Variants in SYNRG observed in about 807,000 individuals in gnomAD.
SYNRG encodes the protein synergin gamma, also known as AP1 gamma subunit binding protein 1.
SYNRG carries 37 observed loss-of-function variants against 130.9 expected under a neutral mutation model. The observed-to-expected ratio is 0.28, with a 90% CI of 0.22 to 0.37. The LOEUF (loss-of-function observed/expected upper bound fraction) is 0.37, where lower values mean the gene tolerates loss of function less well. SYNRG is among the 10% of genes least tolerant of loss of function. The pLI, the probability that SYNRG is intolerant of heterozygous loss-of-function variation, is 1.00. For synonymous variants in SYNRG, 539 were observed against 568.1 expected, an observed-to-expected ratio of 0.95 and a Z score of 0.73; for missense variants, 1,338 against 1,588.9, an observed-to-expected ratio of 0.84 and a Z score of 2.68.
chr17:37,564,583 A>G (rs2059781185), intron 11 of SYNRG, among the ~76,000 whole-genome samples: 1 of 152,204 alleles, frequency 6.6e-6, no homozygotes, highest in South Asian at 2.1e-4. Flanking sequence ...CAGACCAACA[A>G]TGTTCTCCAT....
rs2058887529 is a variant in SYNRG, at chr17:37,553,774, C to A, written c.1949G>T (p.Gly650Val). The A allele has an allele frequency of 6.2e-7, 1 of 1,612,320 alleles. No homozygotes were observed. Among genetic ancestry groups the A allele is most frequent in the East Asian group, 2.2e-5 (1 of 44,884 alleles). The change falls in exon 14 of 22, where the codon GGT (glycine) becomes GTT (valine). Residue 650 changes from glycine to valine, a missense_variant. By Grantham distance (109) the Gly-to-Val change is moderately radical (BLOSUM62 -3). Around this residue, in one of 3 missense-constraint regions of SYNRG, gnomAD observed 1,146 missense variants for 1,342.3 expected, o/e 0.85. Transcript: ENST00000612223. The stretch of plus-strand genomic sequence containing the variant: ...CAATGCTGTCATAGTAGCAGCAGAA[C>A]CTGTTGACTGTGGTGTAGAAACTGA... ...SKSVSTPQST[G>V]SAATMTALAA...
chr17:37,584,561 C>T, intron 6 of SYNRG, 87 bp downstream of exon 6: 1 of 1,044,994 alleles, frequency 9.6e-7, no homozygotes, highest in Non-Finnish European at 1.5e-6. Context: ...TGACTTTTCA[C>T]ACACACATAT....
chr17:37,602,443 C>T (rs1311599701), intron 1 of SYNRG, among the ~76,000 whole-genome samples: 1 of 151,902 alleles, frequency 6.6e-6, no homozygotes, highest in Admixed American at 6.5e-5. Flanking sequence ...GCAGTGAAAA[C>T]TGAGTAGGAA....
chr17:37,518,705 T>A lies in SYNRG; in HGVS notation c.*235A>T, dbSNP rs552977329. On this transcript the variant is annotated 3_prime_UTR_variant, in exon 22 of 22. Coordinates refer to ENST00000612223, the MANE Select transcript of SYNRG (RefSeq NM_007247.6). ...AAGCCGTGGTCCGTATTTCAGAAAATCTTAAGTAGAGATAAGTGAGCAAGC... is the reference window on the plus strand; with the variant it reads ...AAGCCGTGGTCCGTATTTCAGAAAAACTTAAGTAGAGATAAGTGAGCAAGC... 86 of 445,330 alleles carry A rather than the reference T, an allele frequency of 1.9e-4. No individual in the cohort carries two copies. Among genetic ancestry groups the A allele is most frequent in the African/African-American group, 1.6e-3 (81 of 50,738 alleles). The allele number at this position is 445,330 out of a possible 1,614,324, so 27.6% of individuals were successfully genotyped here.
intron 11 of SYNRG, among the ~76,000 whole-genome samples, chr17:37,561,819 C>G: frequency 6.6e-6 from 1 of 151,122 alleles, no homozygotes; most frequent in Non-Finnish European, 1.5e-5. Context: ...TCATTTTTTT[C>G]TTGATTAAAT....
chr17:37,567,637 A>T (rs1184419677), intron 11 of SYNRG: 2 of 152,220 alleles, frequency 1.3e-5, no homozygotes, highest in African/African-American at 4.8e-5. Flanking sequence ...ATATATTTTT[A>T]AAATCAGGAG....
At chr17:37,539,323 GC>G (rs1299760688) in intron 16 of SYNRG, 78 bp from the exon 17 acceptor site, 1 of 1,445,598 alleles carries the variant, frequency 6.9e-7, no homozygotes, top group African/African-American at 1.4e-5. Flanking sequence ...AATTCAAAGT[GC>G]TTGGAGGACT....
intron 14 of SYNRG, among the ~76,000 whole-genome samples, chr17:37,548,848 C>A (rs368964226): frequency 0.014 from 1,989 of 137,906 alleles, 23 homozygotes; most frequent in African/African-American, 0.033. Context: ...AAAAAACACA[C>A]AAAAAAACGG....
At chr17:37,529,905 T>C (rs1478896432) in intron 19 of SYNRG, 1 of 1,517,358 alleles carries the variant, frequency 6.6e-7, no homozygotes, top group South Asian at 1.2e-5. Flanking sequence ...AATCTAGTTT[T>C]CAAGTGTTAA....
chr17:37,608,382 C>T (rs1321273892), intron 1 of SYNRG, among the ~76,000 whole-genome samples: 1 of 152,104 alleles, frequency 6.6e-6, no homozygotes, highest in Non-Finnish European at 1.5e-5. Context: ...AATGTGTGTG[C>T]TGTTGTGTGT....
chr17:37,518,866 T>C lies in SYNRG; in HGVS notation c.*74A>G. On this transcript the variant is annotated 3_prime_UTR_variant, in exon 22 of 22. Coordinates refer to ENST00000612223, the MANE Select transcript of SYNRG (RefSeq NM_007247.6). ...GGAAGCGAACTGTGCAGTGCTCGCA[T>C]TCTATTTATTGGTCCCTGTCACCCC... is the stretch of plus-strand genomic sequence containing the variant. 1 of 1,572,074 alleles carries C rather than the reference T, an allele frequency of 6.4e-7. No individual in the cohort carries two copies. The highest frequency in any genetic ancestry group is 8.6e-7 in the Non-Finnish European group (1 of 1,157,550).
rs765588784 is a variant in SYNRG at position 37,518,929 on chromosome 17, AGAG to A, written c.*8_*10del. ...AGAAAAAAAAAAGTCAATGCTTCACAGAGGAGTTGTTCAGAGCAGGTCAGGCAG... is the reference window on the plus strand; with the variant it reads ...AGAAAAAAAAAAGTCAATGCTTCACAGAGTTGTTCAGAGCAGGTCAGGCAG... On this transcript the variant is annotated 3_prime_UTR_variant, in exon 22 of 22. Transcript: ENST00000612223. 23 of 1,608,424 alleles carry A rather than the reference AGAG, an allele frequency of 1.4e-5. No homozygotes were observed. The East Asian group carries it at 3.3e-4, about 23-fold the overall frequency.
chr17:37,533,426 G>A (rs1165078481), intron 19 of SYNRG, among the ~76,000 whole-genome samples: 4 of 150,760 alleles, frequency 2.7e-5, no homozygotes, highest in African/African-American at 9.7e-5. Context: ...AAAACAGTCT[G>A]GTAGAGGTGT....
At chr17:37,525,152 C>T (rs1480990769) in intron 19 of SYNRG, among the ~76,000 whole-genome samples, 4 of 152,246 alleles carry the variant, frequency 2.6e-5, no homozygotes, top group African/African-American at 4.8e-5. Context: ...CAGTTTGGCA[C>T]CAATCATATA....
At chr17:37,520,289 G>A in intron 20 of SYNRG, 75 bp from the exon 21 acceptor site, 1 of 1,592,872 alleles carries the variant, frequency 6.3e-7, no homozygotes, top group Non-Finnish European at 8.6e-7. Flanking sequence ...CATCTTTACA[G>A]GTTCACCCTT....
At position 37,608,311 on chromosome 17, in the gene SYNRG, A is replaced by T. The variant is rs530800560; in HGVS notation, c.77+968T>A. 2.0e-5 allele frequency among the ~76,000 whole-genome samples: 3 copies of T among 152,304 alleles called. No individual in the cohort carries two copies. In the South Asian group the frequency reaches 6.2e-4, roughly 32 times the overall value. On this transcript the variant is annotated intron_variant, in intron 1 of 21. Coordinates refer to ENST00000612223, the MANE Select transcript of SYNRG (RefSeq NM_007247.6). ...AACACTGCATATAAAAAAAAAACCT[A>T]ACACTTCGTTTTCCAAAGACAATTT...
chr17:37,554,925 G>GTA (rs1024485026), intron 13 of SYNRG, among the ~76,000 whole-genome samples: 1 of 152,094 alleles, frequency 6.6e-6, no homozygotes, highest in Non-Finnish European at 1.5e-5. Flanking sequence ...TGAGGATGGG[G>GTA]TAACTGACGG....
At chr17:37,606,215 G>GT (rs2063735192) in intron 1 of SYNRG, among the ~76,000 whole-genome samples, 1 of 152,156 alleles carries the variant, frequency 6.6e-6, no homozygotes, top group Admixed American at 6.5e-5. Context: ...TTTCCTTAGT[G>GT]TTGACTAGGC....
At chr17:37,585,147 G>T (rs1405578432) in intron 5 of SYNRG, among the ~76,000 whole-genome samples, 178 bp downstream of exon 5, 3 of 152,194 alleles carry the variant, frequency 2.0e-5, no homozygotes, top group Non-Finnish European at 4.4e-5. Context: ...TGACAGCAGT[G>T]TATCTTTACA....
Sources: gnomAD v4.1 joint callset for allele counts (sites outside exome capture counted in the v4.1 genomes callset) on GRCh38, gnomAD v4.1.1 for gene constraint, gnomAD v4.1.1 regional missense constraint, MANE v1.5 for transcripts, NCBI Gene and HGNC (gene_info 2026-07-23, HGNC 2026-07-21) for gene names.